Variants in NECTIN3 observed in about 807,000 individuals in gnomAD.
The protein encoded by NECTIN3 is nectin-3.
NECTIN3 carries 8 observed loss-of-function variants against 49.4 expected under a neutral mutation model. That is an observed-to-expected ratio of 0.16 (90% confidence interval 0.10 to 0.29). NECTIN3 has a LOEUF of 0.29. Ranked by LOEUF, NECTIN3 falls within the 10% of genes least tolerant of loss-of-function variation. The probability of loss-of-function intolerance (pLI) is 1.00; values close to 1 mark genes in which losing one functional copy is unlikely to be tolerated. For synonymous variants in NECTIN3, 277 were observed against 241.1 expected (o/e 1.15, Z -1.38); for missense variants, 581 against 654.6 (o/e 0.89, Z 1.23).
At chr3:111,078,487 A>G (rs1394262498) in intron 1 of NECTIN3, among the ~76,000 whole-genome samples, 3 of 152,198 alleles carry the variant, frequency 2.0e-5, no homozygotes, top group Non-Finnish European at 4.4e-5. Flanking sequence ...AGCTAATGAT[A>G]TACCCCCTCA....
intron 7 of NECTIN3, among the ~76,000 whole-genome samples, chr3:111,176,280 G>A (rs1290500028): frequency 6.6e-6 from 1 of 152,138 alleles, no homozygotes; most frequent in Non-Finnish European, 1.5e-5. Context: ...TATTAATCAT[G>A]CAACCTACCT....
At chr3:111,191,243 C>G (rs556147599), upstream of NECTIN3, among the ~76,000 whole-genome samples, 27 of 152,300 alleles carry the variant, frequency 1.8e-4, no homozygotes, top group Non-Finnish European at 3.2e-4. Context: ...CTGGAGACAA[C>G]TTGCATAACT....
At chr3:111,081,011 A>G (rs6414247) in intron 1 of NECTIN3, among the ~76,000 whole-genome samples, 149,022 of 152,292 alleles carry the variant, frequency 0.98, 72,990 homozygotes, top group East Asian at 1. Context: ...GGCTGGGTGC[A>G]GTGGCTCACG....
intron 1 of NECTIN3, among the ~76,000 whole-genome samples, chr3:111,099,320 CCCTGTTTG>C (rs377104356): frequency 2.0e-5 from 3 of 152,280 alleles, no homozygotes; most frequent in Non-Finnish European, 4.4e-5. Flanking sequence ...GATAATATGT[CCCTGTTTG>C]CCTTGGAATA....
intron 1 of NECTIN3, chr3:111,077,250 A>G (rs2031270672): frequency 2.3e-6 from 1 of 437,788 alleles, no homozygotes; most frequent in Admixed American, 2.4e-5. Flanking sequence ...TCTGCTAAAT[A>G]AGTTGAGTAG....
chr3:111,173,611 CCTT>C (rs2035472783), intron 7 of NECTIN3, among the ~76,000 whole-genome samples: 2 of 152,146 alleles, frequency 1.3e-5, no homozygotes, highest in Non-Finnish European at 2.9e-5. Context: ...ATTCCTTTCT[CCTT>C]CTATTGTTGT....
intron 1 of NECTIN3, among the ~76,000 whole-genome samples, chr3:111,106,275 A>G (rs776374024): frequency 2.6e-5 from 4 of 152,084 alleles, no homozygotes; most frequent in African/African-American, 9.7e-5. Context: ...TGTTCACCCA[A>G]CGCATTCTGA....
In NECTIN3 at chr3:111,072,176, T is replaced by G; in HGVS notation, c.159T>G (p.Cys53Trp). ...CGCTGCTGCTCTTCTCCAGGCTCTG[T>G]GGTAGGTGAACCTCGGCGGCCGGCG... The part of the protein sequence containing the change: ...LFPLLLFSRL[C>W]GALAGPIIVE... Residue 53 changes from cysteine (C) to tryptophan (W), a missense_variant and splice_region_variant, in exon 1 of 6, where the codon TGT (cysteine) becomes TGG (tryptophan). Cys to Trp is a radical substitution (Grantham distance 215). Coordinates refer to ENST00000485303, the MANE Select transcript of NECTIN3 (RefSeq NM_015480.3). 6.4e-7 allele frequency: 1 copy of G among 1,553,586 alleles called. No individual in the cohort carries two copies. The highest frequency in any genetic ancestry group is 1.2e-5 in the South Asian group (1 of 84,292).
intron 1 of NECTIN3, among the ~76,000 whole-genome samples, chr3:111,088,567 T>A (rs149663684): frequency 6.6e-5 from 10 of 152,296 alleles, no homozygotes; most frequent in Admixed American, 3.9e-4. Context: ...CCCATTTTTT[T>A]AATAATGTGG....
At chr3:111,091,238 T>G in intron 1 of NECTIN3, among the ~76,000 whole-genome samples, 1 of 152,258 alleles carries the variant, frequency 6.6e-6, no homozygotes, top group South Asian at 2.1e-4. Context: ...ATGTGTAGTC[T>G]TTTTCTTTTC....
At chr3:111,114,410 T>C (rs548759206) in intron 2 of NECTIN3, among the ~76,000 whole-genome samples, 2 of 152,178 alleles carry the variant, frequency 1.3e-5, no homozygotes, top group African/African-American at 2.4e-5. Context: ...GTCATTGTTA[T>C]GTTGAACATA....
At chr3:111,077,140 A>G (rs1171005936) in intron 1 of NECTIN3, 11 of 392,984 alleles carry the variant, frequency 2.8e-5, no homozygotes, top group Admixed American at 1.5e-4. Context: ...TATTTTAGAA[A>G]GGATATTATA....
intron 1 of NECTIN3, among the ~76,000 whole-genome samples, chr3:111,105,301 C>T (rs1284296202): frequency 1.3e-5 from 2 of 151,884 alleles, no homozygotes; most frequent in African/African-American, 4.8e-5. Flanking sequence ...GCCTGGCTAA[C>T]TTACTATTTT....
chr3:111,163,195 T>C (rs1473475298), intron 7 of NECTIN3, among the ~76,000 whole-genome samples: 2 of 152,188 alleles, frequency 1.3e-5, no homozygotes, highest in Non-Finnish European at 2.9e-5. Flanking sequence ...TCTTTCTTCA[T>C]AGTGTTTCTA....
At chr3:111,152,008 T>G (rs2035009396) in intron 7 of NECTIN3, among the ~76,000 whole-genome samples, 1 of 151,816 alleles carries the variant, frequency 6.6e-6, no homozygotes, top group Non-Finnish European at 1.5e-5. Context: ...TGTATAAAAG[T>G]AATATATACA....
chr3:111,138,529 G>T (rs1331482829), downstream of NECTIN3, among the ~76,000 whole-genome samples: 2 of 151,492 alleles, frequency 1.3e-5, no homozygotes, highest in African/African-American at 4.8e-5. Flanking sequence ...TTTATCAAGA[G>T]CTTGAAACCA....
chr3:111,083,442 A>C (rs1020022988), intron 1 of NECTIN3, among the ~76,000 whole-genome samples: 24 of 152,154 alleles, frequency 1.6e-4, no homozygotes, highest in African/African-American at 5.8e-4. Flanking sequence ...TAGTGTCCTT[A>C]TAAGAAGAGG....
chr3:111,190,878 T>G (rs1011056074), upstream of NECTIN3, among the ~76,000 whole-genome samples: 4 of 152,062 alleles, frequency 2.6e-5, no homozygotes, highest in Admixed American at 2.6e-4. Context: ...ATAATAGAGA[T>G]AAAAACAAGA....
chr3:111,140,431 A>T (rs751994050), downstream of NECTIN3, among the ~76,000 whole-genome samples: 1 of 151,612 alleles, frequency 6.6e-6, no homozygotes, highest in Non-Finnish European at 1.5e-5. Context: ...TAGCTAACTG[A>T]TAAAATTTGT....
Sources: gnomAD v4.1 joint callset for allele counts (sites outside exome capture counted in the v4.1 genomes callset) on GRCh38, gnomAD v4.1.1 for gene constraint, MANE v1.5 for transcripts, NCBI Gene and HGNC (gene_info 2026-07-23, HGNC 2026-07-21) for gene names.